Variants in ATIC observed in about 807,000 individuals in gnomAD.
ATIC encodes the protein 5-aminoimidazole-4-carboxamide ribonucleotide formyltransferase/IMP cyclohydrolase.
A neutral mutation model predicts 72.5 loss-of-function variants in ATIC; 64 were observed. The observed-to-expected ratio is 0.88, with a 90% CI of 0.72 to 1.09. The LOEUF is 1.09. Among genes scored for constraint, ATIC ranks in the 50% least tolerant of loss-of-function variants. ATIC has a pLI of 0.00. For missense variants in ATIC, 787 were observed against 732.4 expected (o/e 1.07, Z -0.86); for synonymous variants, 281 against 267.1 (o/e 1.05, Z -0.51).
the ATIC span, chr2:215,360,704 A>AATC: frequency 7.9e-5 from 12 of 152,684 alleles, no homozygotes; most frequent in Non-Finnish European, 1.2e-4. Flanking sequence ...GACAAAAACC[A>AATC]ATCAGTTTTT....
At chr2:215,340,831 A>G (rs1310975532) in intron 12 of ATIC, among the ~76,000 whole-genome samples, 1 of 152,176 alleles carries the variant, frequency 6.6e-6, no homozygotes, top group East Asian at 1.9e-4. Context: ...AGTTTATTGC[A>G]TGCAACTTGG....
downstream of ATIC, among the ~76,000 whole-genome samples, chr2:215,352,339 T>G (rs2053136554): frequency 6.6e-6 from 1 of 152,190 alleles, no homozygotes; most frequent in African/African-American, 2.4e-5. Context: ...CCCAGCACTT[T>G]GGGAGGCCGA....
intron 3 of ATIC, among the ~76,000 whole-genome samples, chr2:215,319,007 A>G (rs530563595): frequency 1.3e-5 from 2 of 151,834 alleles, no homozygotes; most frequent in East Asian, 3.9e-4. Context: ...CAGCCTCCCA[A>G]GTAGCTGGGA....
downstream of ATIC, among the ~76,000 whole-genome samples, chr2:215,354,323 C>G (rs983007648): frequency 1.1e-4 from 16 of 152,196 alleles, no homozygotes; most frequent in Admixed American, 6.5e-4. Context: ...AGCCACCATG[C>G]CTTCTCAGGA....
chr2:215,322,390 C>G (rs1353263544), intron 4 of ATIC, among the ~76,000 whole-genome samples: 2 of 144,382 alleles, frequency 1.4e-5, no homozygotes, highest in African/African-American at 5.3e-5. Flanking sequence ...AGTGCAGTGG[C>G]GTGATCTCGG....
chr2:215,367,833 C>T, the ATIC span: 450,015 of 1,610,366 alleles, frequency 0.28, 69,860 homozygotes, highest in Non-Finnish European at 0.32. Flanking sequence ...GAGACAAACA[C>T]GGAAGTGGAT....
the ATIC span, chr2:215,361,670 G>A: frequency 1.0e-3 from 1,495 of 1,426,742 alleles, 11 homozygotes; most frequent in African/African-American, 0.018. Flanking sequence ...GGCAAATACT[G>A]TAAAGTGTAC....
chr2:215,325,617 C>T (rs1029780883), intron 5 of ATIC, among the ~76,000 whole-genome samples: 1 of 151,844 alleles, frequency 6.6e-6, no homozygotes, highest in Non-Finnish European at 1.5e-5. Flanking sequence ...GGCTGGAGTA[C>T]AGTGGCACAG....
chr2:215,324,444 G>T (rs1182387786), intron 4 of ATIC, among the ~76,000 whole-genome samples: 1 of 152,168 alleles, frequency 6.6e-6, no homozygotes, highest in Non-Finnish European at 1.5e-5. Flanking sequence ...GAGAGTTTTT[G>T]TGTGAAGATA....
chr2:215,332,438 CT>C lies in ATIC; in HGVS notation c.746del (p.Leu249ArgfsTer2). 1 of 1,614,100 alleles carries C rather than the reference CT, an allele frequency of 6.2e-7. No homozygotes were observed. Among genetic ancestry groups the C allele is most frequent in the South Asian group, 1.1e-5 (1 of 91,074 alleles). On this transcript the variant is annotated frameshift_variant, in exon 8 of 16. Coordinates refer to ENST00000236959, the MANE Select transcript of ATIC (RefSeq NM_004044.7). LOFTEE classifies it high-confidence loss of function. ...NLCDALNAWQ[L>X]VKELKEALGI... The stretch of plus-strand genomic sequence containing the variant: ...GTGCGATGCTTTGAACGCCTGGCAG[CT>C]GGTGAAGGAACTCAAGGAGGCTTTA...
rs752235664 is a variant in ATIC, at chr2:215,332,353, G to A, written c.689-29G>A. The A allele has an allele frequency of 3.1e-6, 5 of 1,613,806 alleles. No individual in the cohort carries two copies. In the South Asian group the frequency reaches 4.4e-5, roughly 14 times the overall value. On this transcript the variant is annotated intron_variant, in intron 7 of 15. Coordinates refer to ENST00000236959, the MANE Select transcript of ATIC (RefSeq NM_004044.7). ...CATCTGACCTTACTGATCCTGCTTAGTAATGTGCATGTATATTTTTACATT... is the reference window on the plus strand; with the variant it reads ...CATCTGACCTTACTGATCCTGCTTAATAATGTGCATGTATATTTTTACATT...
At chr2:215,323,074 A>G (rs2052786928) in intron 4 of ATIC, among the ~76,000 whole-genome samples, 1 of 152,082 alleles carries the variant, frequency 6.6e-6, no homozygotes, top group Non-Finnish European at 1.5e-5. Context: ...CCTCCCGAGT[A>G]GCTGGGACTA....
chr2:215,329,959 A>C (rs2052871949), intron 7 of ATIC, among the ~76,000 whole-genome samples: 1 of 152,022 alleles, frequency 6.6e-6, no homozygotes, highest in Admixed American at 6.6e-5. Context: ...ACAGAGTTTC[A>C]CCATATTGGC....
Position 215,325,288 on chromosome 2 carries a change from C to T in ATIC, c.338C>T (p.Pro113Leu). ...CCCTTTGTAAAGACAGTGGCTTCTC[C>T]AGGTGTAACTGTTGAGGAGGCTGTG... ...LYPFVKTVAS[P>L]GVTVEEAVEQ... The change falls in exon 5 of 16, where the codon CCA becomes CTA. Residue 113 changes from proline to leucine, a missense_variant. Transcript: ENST00000236959. 1 of 1,613,870 alleles carries T rather than the reference C, an allele frequency of 6.2e-7. No individual in the cohort carries two copies. The highest frequency in any genetic ancestry group is 8.5e-7 in the Non-Finnish European group (1 of 1,179,852).
chr2:215,331,384 T>G (rs112231796), intron 7 of ATIC, among the ~76,000 whole-genome samples: 13 of 100,270 alleles, frequency 1.3e-4, no homozygotes, highest in South Asian at 3.1e-4. Flanking sequence ...TTTTTGGGTT[T>G]TTTTTTTTTT....
intron 12 of ATIC, among the ~76,000 whole-genome samples, chr2:215,341,922 C>G (rs1020986646): frequency 6.6e-6 from 1 of 152,048 alleles, no homozygotes; most frequent in African/African-American, 2.4e-5. Context: ...GTTGGGGAGG[C>G]CTCAGGAATC....
At chr2:215,350,597 G>A (rs1369845770), downstream of ATIC, among the ~76,000 whole-genome samples, 1 of 152,200 alleles carries the variant, frequency 6.6e-6, no homozygotes, top group African/African-American at 2.4e-5. Context: ...AGTGCTAAGT[G>A]AAATGTTTCC....
At chr2:215,339,901 G>T (rs1457679077) in intron 12 of ATIC, among the ~76,000 whole-genome samples, 1 of 152,122 alleles carries the variant, frequency 6.6e-6, no homozygotes, top group Non-Finnish European at 1.5e-5. Flanking sequence ...CTCCCAAAGT[G>T]CTGGGGTTAC....
chr2:215,338,723 G>T (rs1025448867), intron 11 of ATIC, 56 bp from the exon 12 acceptor site: 4 of 1,565,444 alleles, frequency 2.6e-6, no homozygotes, highest in Non-Finnish European at 2.6e-6. Flanking sequence ...TAAATTAAAT[G>T]AAAAATTTGA....
Sources: gnomAD v4.1 joint callset for allele counts (sites outside exome capture counted in the v4.1 genomes callset) on GRCh38, gnomAD v4.1.1 for gene constraint, MANE v1.5 for transcripts, NCBI Gene and HGNC (gene_info 2026-07-23, HGNC 2026-07-21) for gene names.